The following GRM8 variants were observed in gnomAD, a reference collection of about 807,000 sequenced individuals.
GRM8 encodes the protein metabotropic glutamate receptor 8.
GRM8 carries 47 observed loss-of-function variants against 87.2 expected under a neutral mutation model. The ratio of observed to expected loss-of-function variants is 0.54; its 90% confidence interval spans 0.43 to 0.69. GRM8 has a LOEUF of 0.69. Among genes scored for constraint, GRM8 ranks in the 30% least tolerant of loss-of-function variants. GRM8 has a pLI of 0.00. For synonymous variants in GRM8, 396 were observed against 404.5 expected, an observed-to-expected ratio of 0.98 and a Z score of 0.25; for missense variants, 1,019 against 1,139.2, an observed-to-expected ratio of 0.89 and a Z score of 1.52.
chr7:126,478,168 A>G (rs1028213036), intron 9 of GRM8, among the ~76,000 whole-genome samples: 6 of 152,164 alleles, frequency 3.9e-5, no homozygotes, highest in Admixed American at 6.6e-5. Flanking sequence ...AAGTAGGACT[A>G]TCTTTTTAGG....
intron 7 of GRM8, among the ~76,000 whole-genome samples, chr7:126,648,624 G>T (rs965862487): frequency 6.6e-6 from 1 of 152,160 alleles, no homozygotes; most frequent in African/African-American, 2.4e-5. Context: ...GGCAAATCTG[G>T]CTAATTTCTC....
intron 6 of GRM8, among the ~76,000 whole-genome samples, chr7:126,814,188 T>G (rs944192715): frequency 2.6e-5 from 4 of 152,118 alleles, no homozygotes; most frequent in Non-Finnish European, 5.9e-5. Flanking sequence ...AAGAGGCTCA[T>G]GTAGTATACT....
chr7:127,015,058 GAAGAAGAAGA>G lies in GRM8; in HGVS notation c.727+91428_727+91437del, dbSNP rs1217836572. On this transcript the variant is annotated intron_variant, in intron 3 of 10. Transcript: ENST00000339582. ...AGAAGAAGAAGAAGAAGAAGAAGAA[GAAGAAGAAGA>G]AAGAAAGAAGGAGAAGAAGGAGAAG... Among the ~76,000 whole-genome samples, 69 of 108,460 alleles carry G rather than the reference GAAGAAGAAGA, an allele frequency of 6.4e-4. 1 individual carries two copies. The highest frequency in any genetic ancestry group is 2.7e-3 in the Admixed American group (28 of 10,520). 71.2% of individuals were successfully genotyped at this position (108,460 alleles called of 152,430 possible). A position where few individuals can be genotyped will look rare whatever the true frequency, so the allele number is the denominator to read the frequency against.
intron 3 of GRM8, among the ~76,000 whole-genome samples, chr7:126,989,193 C>T (rs536609142): frequency 1.1e-4 from 17 of 152,198 alleles, no homozygotes; most frequent in Admixed American, 6.5e-4. Flanking sequence ...ATAAATCAAA[C>T]CTAAGTACAT....
intron 9 of GRM8, among the ~76,000 whole-genome samples, chr7:126,518,633 G>T (rs1191575773): frequency 6.6e-6 from 1 of 151,944 alleles, no homozygotes; most frequent in African/African-American, 2.4e-5. Context: ...AATTGATTAA[G>T]GTTTATGAGA....
intron 6 of GRM8, among the ~76,000 whole-genome samples, chr7:126,871,312 C>G (rs781686200): frequency 1.3e-5 from 2 of 152,028 alleles, no homozygotes; most frequent in Admixed American, 1.3e-4. Flanking sequence ...GCATTTTATT[C>G]CTAATAAGTG....
intron 3 of GRM8, among the ~76,000 whole-genome samples, chr7:127,057,233 T>C (rs867629974): frequency 6.6e-6 from 1 of 152,220 alleles, no homozygotes; most frequent in Non-Finnish European, 1.5e-5. Context: ...TCTAAACATG[T>C]AAATCTAGAA....
At chr7:126,945,872 T>C (rs983408611) in intron 3 of GRM8, among the ~76,000 whole-genome samples, 1 of 152,222 alleles carries the variant, frequency 6.6e-6, no homozygotes, top group Admixed American at 6.5e-5. Context: ...GAATTATTAA[T>C]AGTGTAACTT....
chr7:126,444,604 CA>C (rs1229379992), intron 10 of GRM8, among the ~76,000 whole-genome samples: 1 of 151,886 alleles, frequency 6.6e-6, no homozygotes, highest in Non-Finnish European at 1.5e-5. Context: ...TCTAATTAAG[CA>C]ATGCTAATTA....
At chr7:126,544,654 T>A (rs1585009964) in intron 8 of GRM8, among the ~76,000 whole-genome samples, 1 of 151,894 alleles carries the variant, frequency 6.6e-6, no homozygotes, top group South Asian at 2.1e-4. Flanking sequence ...GGGACTAAGG[T>A]GCACGCCACC....
chr7:126,990,609 T>C (rs1812564779), intron 3 of GRM8, among the ~76,000 whole-genome samples: 2 of 152,224 alleles, frequency 1.3e-5, no homozygotes, highest in South Asian at 4.1e-4. Flanking sequence ...TGCTTTCCAA[T>C]GGAGATGCTA....
At chr7:126,851,973 G>A (rs951992276) in intron 6 of GRM8, among the ~76,000 whole-genome samples, 1 of 152,172 alleles carries the variant, frequency 6.6e-6, no homozygotes, top group Non-Finnish European at 1.5e-5. Flanking sequence ...CTCGAGTGCT[G>A]TATTGCCATG....
chr7:126,654,480 C>T (rs966293253), intron 7 of GRM8, among the ~76,000 whole-genome samples: 16 of 152,154 alleles, frequency 1.1e-4, no homozygotes, highest in African/African-American at 2.9e-4. Flanking sequence ...CTGAGGTAAG[C>T]GACAACATTT....
rs1332237891 is a variant in GRM8 at position 126,537,503 on chromosome 7, G to A, written c.1495-3616C>T. The stretch of plus-strand genomic sequence containing the variant: ...AAAACCAACACTATTTGGACCGGAC[G>A]TGGTGGCTCAAGCTTGTAATCCTAG... On this transcript the variant is annotated intron_variant, in intron 8 of 10. Transcript: ENST00000339582. Among the ~76,000 whole-genome samples, 12 of 152,144 alleles carry A rather than the reference G, an allele frequency of 7.9e-5. 1 individual carries two copies.
intron 6 of GRM8, among the ~76,000 whole-genome samples, chr7:126,884,909 G>A (rs1378883501): frequency 1.3e-5 from 2 of 152,190 alleles, no homozygotes; most frequent in Non-Finnish European, 2.9e-5. Context: ...GACCTAATCA[G>A]AGAGTTAAGA....
intron 9 of GRM8, among the ~76,000 whole-genome samples, chr7:126,486,926 T>C (rs1394524842): frequency 6.6e-6 from 1 of 152,076 alleles, no homozygotes; most frequent in African/African-American, 2.4e-5. Context: ...CACAATGTGT[T>C]AGCTGTTAAT....
At chr7:126,515,941 A>C (rs967939192) in intron 9 of GRM8, among the ~76,000 whole-genome samples, 1 of 152,064 alleles carries the variant, frequency 6.6e-6, no homozygotes, top group African/African-American at 2.4e-5. Context: ...TGCTTAACAC[A>C]ACTATTTACT....
intron 3 of GRM8, among the ~76,000 whole-genome samples, chr7:127,081,908 G>A (rs1456675411): frequency 3.3e-5 from 5 of 152,206 alleles, no homozygotes; most frequent in East Asian, 3.8e-4. Flanking sequence ...AGCAGTGCTG[G>A]AGGATGCAAA....
chr7:126,753,308 T>A (rs1235444842), intron 7 of GRM8, among the ~76,000 whole-genome samples: 1 of 151,828 alleles, frequency 6.6e-6, no homozygotes, highest in African/African-American at 2.4e-5. Context: ...TGTTGTCAAA[T>A]GGCATAATAA....
Sources: gnomAD v4.1 joint callset for allele counts (sites outside exome capture counted in the v4.1 genomes callset) on GRCh38, gnomAD v4.1.1 for gene constraint, MANE v1.5 for transcripts, NCBI Gene and HGNC (gene_info 2026-07-23, HGNC 2026-07-21) for gene names.